FAHD1: variants seen among roughly 807,000 people sequenced by gnomAD.
FAHD1 encodes the protein oxaloacetate tautomerase FAHD1, mitochondrial.
A neutral mutation model predicts 12.7 loss-of-function variants in FAHD1; 14 were observed. The observed-to-expected ratio is 1.10, with a 90% CI of 0.73 to 1.72. FAHD1 has a LOEUF of 1.72. Among genes scored for constraint, FAHD1 ranks in the 40% most tolerant of loss-of-function variants. The pLI is 0.00. For synonymous variants in FAHD1, 153 were observed against 124.9 expected (o/e 1.22, Z -1.50); for missense variants, 351 against 298.9 (o/e 1.17, Z -1.29).
chr16:1,828,274 C>CA (rs71145497), exon 1 of FAHD1: 391,924 of 797,374 alleles, frequency 0.49, 35,874 homozygotes, highest in Admixed American at 0.78. Context: ...GACTCCGTCT[C>CA]AAAAAAAAAA....
chr16:1,833,327 G>T (rs546801656), downstream of FAHD1, among the ~76,000 whole-genome samples: 3 of 152,210 alleles, frequency 2.0e-5, no homozygotes, highest in East Asian at 5.8e-4. Context: ...TTCAGACTCA[G>T]TCATGTCAGC....
chr16:1,834,297 T>G (rs1898679931), intron 1 of FAHD1: 7 of 1,612,914 alleles, frequency 4.3e-6, no homozygotes, highest in Non-Finnish European at 5.9e-6. Flanking sequence ...CTTGCCTCAG[T>G]AGGATCTGCA....
exon 2 of FAHD1, chr16:1,838,116 C>T: frequency 1.6e-6 from 1 of 629,426 alleles, no homozygotes; most frequent in Non-Finnish European, 2.7e-6. Context: ...CCCTCAGCTT[C>T]CCGTTTCTGA....
At chr16:1,834,325 A>G (rs1898680895) in intron 1 of FAHD1, 3 of 1,613,112 alleles carry the variant, frequency 1.9e-6, no homozygotes, top group East Asian at 2.2e-5. Flanking sequence ...ACGAGAGTAC[A>G]CTAATTTTCA....
chr16:1,827,504 A>C, exon 1 of FAHD1: 2 of 1,612,972 alleles, frequency 1.2e-6, no homozygotes, highest in East Asian at 2.2e-5. Context: ...GCGGCCATGG[A>C]CTACGTGGGC....
At chr16:1,834,370 C>T (rs774375465) in intron 1 of FAHD1, 10 of 1,485,326 alleles carry the variant, frequency 6.7e-6, no homozygotes, top group East Asian at 4.5e-5. Context: ...GAACGAACTG[C>T]GAGGAGAAAC....
chr16:1,838,027 C>T (rs1485655643), exon 2 of FAHD1: 18 of 1,365,198 alleles, frequency 1.3e-5, no homozygotes, highest in Non-Finnish European at 1.4e-5. Flanking sequence ...GACAGGGTCT[C>T]ACTCTGTCGC....
chr16:1,829,745 C>T (rs1185599850), downstream of FAHD1, among the ~76,000 whole-genome samples: 2 of 152,154 alleles, frequency 1.3e-5, no homozygotes, highest in Admixed American at 1.3e-4. Context: ...CCAAAAATTT[C>T]ATCTACCCAG....
downstream of FAHD1, among the ~76,000 whole-genome samples, chr16:1,829,833 C>T (rs1310378722): frequency 6.6e-6 from 1 of 151,954 alleles, no homozygotes; most frequent in Non-Finnish European, 1.5e-5. Context: ...ATAGAGTTTG[C>T]TCATACCATA....
chr16:1,837,718 T>C, intron 1 of FAHD1: 17 of 830,278 alleles, frequency 2.0e-5, no homozygotes, highest in Non-Finnish European at 3.1e-5. Context: ...TCTAGGTTTT[T>C]CTTATGGTTT....
chr16:1,835,475 A>T (rs1898718058), intron 1 of FAHD1, among the ~76,000 whole-genome samples: 1 of 152,190 alleles, frequency 6.6e-6, no homozygotes, highest in Admixed American at 6.5e-5. Flanking sequence ...GTGGAAGGAC[A>T]TATCAACCAC....
downstream of FAHD1, chr16:1,828,998 C>T (rs1220254451): frequency 9.5e-6 from 8 of 843,992 alleles, no homozygotes; most frequent in East Asian, 5.0e-4. Flanking sequence ...AGTCTTTGAC[C>T]TTTGGCCTTC....
Position 1,837,406 on chromosome 16 carries a change from A to G in FAHD1, c.628-610A>G, listed in dbSNP as rs370421886. ...CAGGGGCCAAGAGAGGGGTCTCACT[A>G]TGTTGCCCAGGCTGGCCTCAAACTC... On this transcript the variant is annotated intron_variant, in intron 1 of 2. Transcript: ENST00000382666. 5.9e-5 allele frequency among the ~76,000 whole-genome samples: 9 copies of G among 152,188 alleles called. No homozygotes were observed. In the East Asian group the frequency reaches 9.7e-4, roughly 16 times the overall value.
At chr16:1,827,557 G>A (rs3743853) in exon 1 of FAHD1, 253,952 of 1,613,238 alleles carry the variant, frequency 0.16, 21,520 homozygotes, top group South Asian at 0.2. Flanking sequence ...GGACGTGCAG[G>A]ACGAGTGCAA....
At chr16:1,835,776 A>G in intron 1 of FAHD1, among the ~76,000 whole-genome samples, 1 of 152,156 alleles carries the variant, frequency 6.6e-6, no homozygotes, top group Non-Finnish European at 1.5e-5. Flanking sequence ...TCTGCCCTAT[A>G]GAGGAGCCCA....
At chr16:1,836,100 CCTT>C (rs1306876963) in intron 1 of FAHD1, among the ~76,000 whole-genome samples, 2 of 152,024 alleles carry the variant, frequency 1.3e-5, no homozygotes, top group East Asian at 1.9e-4. Flanking sequence ...CCCTTTGAAT[CCTT>C]CTTCTCCCCT....
chr16:1,827,461 A>G (rs755670267), exon 1 of FAHD1: 2 of 1,611,116 alleles, frequency 1.2e-6, no homozygotes, highest in Non-Finnish European at 1.7e-6. Context: ...GGGCGTGGTG[A>G]TGGGCAAGCG....
chr16:1,831,695 G>A (rs1311072452), downstream of FAHD1, among the ~76,000 whole-genome samples: 1 of 152,146 alleles, frequency 6.6e-6, no homozygotes, highest in Non-Finnish European at 1.5e-5. Flanking sequence ...CCCGTGGCCT[G>A]TTACAAACGG....
Position 1,827,278 on chromosome 16 carries a change from G to T in FAHD1, c.40G>T (p.Gly14Ter), listed in dbSNP as rs1209714058. 1.2e-6 allele frequency: 2 copies of T among 1,612,924 alleles called. No individual in the cohort carries two copies. The highest frequency in any genetic ancestry group is 2.2e-5 in the South Asian group (2 of 91,080). ...GCCATTGTCCCGCTTCTGGGAGTGGGGAAAGAACATCGTCTGCGTGGGGAG... is the reference window on the plus strand; with the variant it reads ...GCCATTGTCCCGCTTCTGGGAGTGGTGAAAGAACATCGTCTGCGTGGGGAG... The change falls in exon 1 of 1, where the codon GGA becomes TGA. Residue 14 changes from glycine (G) to a stop codon, truncating the protein, a stop_gained. Transcript: ENST00000427358. LOFTEE classifies it high-confidence loss of function.
Sources: allele counts gnomAD v4.1 joint callset (sites outside exome capture counted in the v4.1 genomes callset), GRCh38; gene constraint gnomAD v4.1.1; transcripts MANE v1.5; gene names NCBI Gene and HGNC (gene_info 2026-07-23, HGNC 2026-07-21).